Variants in KCNQ3 observed in about 807,000 individuals in gnomAD.
KCNQ3 encodes potassium voltage-gated channel subfamily Q member 3.
A neutral mutation model predicts 92.5 loss-of-function variants in KCNQ3; 30 were observed. The observed-to-expected ratio is 0.32, with a 90% CI of 0.24 to 0.44. KCNQ3 has a LOEUF of 0.44. Ranked by LOEUF, KCNQ3 falls within the 20% of genes least tolerant of loss-of-function variation. The probability of loss-of-function intolerance (pLI) is 1.00; values close to 1 mark genes in which losing one functional copy is unlikely to be tolerated. For synonymous variants in KCNQ3, 450 were observed against 468.8 expected, an observed-to-expected ratio of 0.96 and a Z score of 0.52; for missense variants, 913 against 1,140.3, an observed-to-expected ratio of 0.80 and a Z score of 2.87.
At position 132,411,252 on chromosome 8, in the gene KCNQ3, T is replaced by C. The variant is rs532541059; in HGVS notation, c.386+68895A>G. Among the ~76,000 whole-genome samples, 27 of 152,252 alleles carry C rather than the reference T, an allele frequency of 1.8e-4. No homozygotes were observed. The Middle Eastern group carries it at 0.01, about 58-fold the overall frequency. On this transcript the variant is annotated intron_variant, in intron 1 of 14. Coordinates refer to ENST00000388996, the MANE Select transcript of KCNQ3 (RefSeq NM_004519.4). The stretch of plus-strand genomic sequence containing the variant: ...AGGGAGGTGAGAGGGGCTTCACACA[T>C]TGTTGCCTAAGATCTAGCAAGAAGA...
intron 1 of KCNQ3, among the ~76,000 whole-genome samples, chr8:132,270,372 T>G (rs1816114445): frequency 6.6e-6 from 1 of 152,164 alleles, no homozygotes; most frequent in Non-Finnish European, 1.5e-5. Context: ...ATTGCAGAAA[T>G]GGGTACTTTT....
chr8:132,305,264 T>C (rs1053643371), intron 1 of KCNQ3, among the ~76,000 whole-genome samples: 1 of 152,198 alleles, frequency 6.6e-6, no homozygotes, highest in Non-Finnish European at 1.5e-5. Context: ...GTCCCACATG[T>C]TCCCAGCTAA....
chr8:132,477,414 T>C lies in KCNQ3; in HGVS notation c.386+2733A>G, dbSNP rs1324431585. Among the ~76,000 whole-genome samples the C allele has an allele frequency of 2.0e-5, 3 of 150,966 alleles. No homozygotes were observed. The East Asian group carries it at 5.8e-4, about 29-fold the overall frequency. ...TGGTAAGCCCAATTTCCTGGGCCCA[T>C]TGTGCCATTAGCCACAGCCCAGAAC... is the stretch of plus-strand genomic sequence containing the variant. On this transcript the variant is annotated intron_variant, in intron 1 of 14. Transcript: ENST00000388996.
Position 132,480,410 on chromosome 8 carries a change from C to G in KCNQ3, c.123G>C (p.Arg41=). The change falls in exon 1 of 15, where the codon CGG becomes CGC. Residue 41 remains arginine (R), a synonymous_variant. Transcript: ENST00000388996. ...GDAAAAGDEE[R]KVGLAPGDVE... is the part of the protein sequence containing the mutation. ...CGTCGCCGGGCGCCAGCCCCACTTT[C>G]CGCTCCTCGTCGCCGGCCGCCGCCG... is the stretch of plus-strand genomic sequence containing the variant. The G allele has an allele frequency of 6.6e-7, 1 of 1,513,110 alleles. No individual in the cohort carries two copies. Among genetic ancestry groups the G allele is most frequent in the South Asian group, 1.3e-5 (1 of 79,478 alleles). 93.7% of individuals were successfully genotyped at this position (1,513,110 alleles called of 1,614,324 possible). A position where few individuals can be genotyped will look rare whatever the true frequency, so the allele number is the denominator to read the frequency against.
chr8:132,443,150 G>A (rs1821581687), intron 1 of KCNQ3, among the ~76,000 whole-genome samples: 1 of 152,192 alleles, frequency 6.6e-6, no homozygotes, highest in African/African-American at 2.4e-5. Context: ...TAAAGGTAGG[G>A]AGGGGGTCGG....
intron 1 of KCNQ3, among the ~76,000 whole-genome samples, chr8:132,324,711 G>A (rs1412100010): frequency 6.6e-6 from 1 of 152,168 alleles, no homozygotes; most frequent in African/African-American, 2.4e-5. Context: ...AGAGGGGTAA[G>A]GACAATGAGT....
At chr8:132,430,655 CGGTCA>C (rs1251835411) in intron 1 of KCNQ3, among the ~76,000 whole-genome samples, 1 of 152,184 alleles carries the variant, frequency 6.6e-6, no homozygotes, top group African/African-American at 2.4e-5. Flanking sequence ...GTGAGGAAAC[CGGTCA>C]TCACCAGGAG....
At position 132,480,703 on chromosome 8, in the gene KCNQ3, C is replaced by G; in HGVS notation, c.-171G>C. ...CCAAAAGCAGGCAAAGGCGGGCCCC[C>G]TGGGGGGCAGGGGAGGCCAGGCAGG... On this transcript the variant is annotated 5_prime_UTR_variant, in exon 1 of 15. Coordinates refer to ENST00000388996, the MANE Select transcript of KCNQ3 (RefSeq NM_004519.4). 1 of 710,568 alleles carries G rather than the reference C, an allele frequency of 1.4e-6. No homozygotes were observed. The highest frequency in any genetic ancestry group is 1.8e-6 in the Non-Finnish European group (1 of 571,400). 44.0% of individuals were successfully genotyped at this position (710,568 alleles called of 1,614,324 possible). A position where few individuals can be genotyped will look rare whatever the true frequency, so the allele number is the denominator to read the frequency against.
chr8:132,226,545 G>A (rs1814427055), intron 1 of KCNQ3, among the ~76,000 whole-genome samples: 1 of 152,144 alleles, frequency 6.6e-6, no homozygotes, highest in Non-Finnish European at 1.5e-5. Context: ...AAGAAATACA[G>A]AGCCAGAATG....
intron 1 of KCNQ3, among the ~76,000 whole-genome samples, chr8:132,308,600 C>A (rs562931166): frequency 2.5e-4 from 38 of 152,306 alleles, no homozygotes; most frequent in African/African-American, 8.4e-4. Context: ...GATTCAATGG[C>A]TGCATGCGTT....
chr8:132,251,513 G>C (rs553270418), intron 1 of KCNQ3, among the ~76,000 whole-genome samples: 9 of 152,300 alleles, frequency 5.9e-5, no homozygotes, highest in African/African-American at 2.2e-4. Flanking sequence ...CTTTGTTTTT[G>C]TGGTCTCTTC....
At chr8:132,461,519 T>G (rs1194378786) in intron 1 of KCNQ3, among the ~76,000 whole-genome samples, 8 of 152,084 alleles carry the variant, frequency 5.3e-5, no homozygotes, top group African/African-American at 1.7e-4. Context: ...GAGCCAAGAT[T>G]GTGCCATTGC....
chr8:132,288,854 C>A (rs1039526881), intron 1 of KCNQ3, among the ~76,000 whole-genome samples: 4 of 152,206 alleles, frequency 2.6e-5, no homozygotes, highest in African/African-American at 9.7e-5. Flanking sequence ...GACATCTCAA[C>A]AGCATGGCAA....
chr8:132,216,440 G>T (rs1475015203), intron 1 of KCNQ3, among the ~76,000 whole-genome samples: 1 of 152,156 alleles, frequency 6.6e-6, no homozygotes, highest in Non-Finnish European at 1.5e-5. Flanking sequence ...CACAGTCAGG[G>T]GACAGCAGGC....
chr8:132,163,534 C>A, intron 8 of KCNQ3, 40 bp from the exon 9 acceptor site: 1 of 1,513,032 alleles, frequency 6.6e-7, no homozygotes, highest in Admixed American at 1.7e-5. Flanking sequence ...GCATAAATTA[C>A]GTGAAACAGC....
intron 1 of KCNQ3, among the ~76,000 whole-genome samples, chr8:132,464,396 T>G (rs1483475867): frequency 6.6e-6 from 1 of 152,224 alleles, no homozygotes; most frequent in East Asian, 1.9e-4. Flanking sequence ...TGTCCATTCA[T>G]GCAAAAAGAC....
intron 1 of KCNQ3, among the ~76,000 whole-genome samples, chr8:132,409,460 TA>T (rs373219048): frequency 0.073 from 10,421 of 141,882 alleles, 428 homozygotes; most frequent in African/African-American, 0.14. Flanking sequence ...AGATCTCCTG[TA>T]AAAAAAAAAA....
At chr8:132,339,793 C>T (rs1933200240) in intron 1 of KCNQ3, among the ~76,000 whole-genome samples, 1 of 152,098 alleles carries the variant, frequency 6.6e-6, no homozygotes, top group Non-Finnish European at 1.5e-5. Context: ...AGATTAGCTT[C>T]CCCCATTCCC....
chr8:132,249,883 G>A (rs957479759), intron 1 of KCNQ3, among the ~76,000 whole-genome samples: 9 of 152,154 alleles, frequency 5.9e-5, no homozygotes, highest in Non-Finnish European at 8.8e-5. Flanking sequence ...TGCACCCTCC[G>A]CAGCTCCTGG....
Sources: allele counts gnomAD v4.1 joint callset (sites outside exome capture counted in the v4.1 genomes callset), GRCh38; gene constraint gnomAD v4.1.1; transcripts MANE v1.5; gene names NCBI Gene and HGNC (gene_info 2026-07-23, HGNC 2026-07-21).